SMYD3: variants seen among roughly 807,000 people sequenced by gnomAD.
The protein encoded by SMYD3 is SET and MYND domain containing 3.
Under a neutral mutation model 57.7 loss-of-function variants are expected in SMYD3, and 36 were observed. That is an observed-to-expected ratio of 0.62 (90% CI 0.48 to 0.82). SMYD3 has a LOEUF of 0.82. SMYD3 is among the 40% of genes least tolerant of loss of function. The probability of loss-of-function intolerance (pLI) is 0.00; values close to 1 mark genes in which losing one functional copy is unlikely to be tolerated. For missense variants in SMYD3, 515 were observed against 538.8 expected, an observed-to-expected ratio of 0.96 and a Z score of 0.44; for synonymous variants, 211 against 195.0, an observed-to-expected ratio of 1.08 and a Z score of -0.68.
At chr1:245,915,454 A>G in intron 8 of SMYD3, 76 bp downstream of exon 8, 4 of 926,074 alleles carry the variant, frequency 4.3e-6, no homozygotes, top group Non-Finnish European at 6.9e-6. Context: ...TGGGTTTATG[A>G]AATCTAGGCA....
At chr1:246,167,430 C>T (rs1168345575) in intron 5 of SMYD3, among the ~76,000 whole-genome samples, 1 of 152,010 alleles carries the variant, frequency 6.6e-6, no homozygotes, top group East Asian at 1.9e-4. Flanking sequence ...TTCCATTTTA[C>T]TGATCACGGC....
At chr1:245,811,819 A>G (rs574307614) in intron 10 of SMYD3, among the ~76,000 whole-genome samples, 1 of 152,306 alleles carries the variant, frequency 6.6e-6, no homozygotes, top group Admixed American at 6.5e-5. Context: ...TGAATTCTTG[A>G]AAGGTTATCT....
At chr1:246,341,770 A>G (rs1258780742) in intron 2 of SMYD3, among the ~76,000 whole-genome samples, 1 of 152,192 alleles carries the variant, frequency 6.6e-6, no homozygotes, top group African/African-American at 2.4e-5. Flanking sequence ...CAAAGTCCCT[A>G]TTGCTCACTC....
At chr1:246,118,443 T>C (rs940223314) in intron 5 of SMYD3, among the ~76,000 whole-genome samples, 1 of 152,204 alleles carries the variant, frequency 6.6e-6, no homozygotes, top group African/African-American at 2.4e-5. Flanking sequence ...ATCAGGAAGT[T>C]GCATGTGCAG....
At chr1:245,940,792 G>C (rs377392793) in intron 5 of SMYD3, among the ~76,000 whole-genome samples, 1 of 152,206 alleles carries the variant, frequency 6.6e-6, no homozygotes, top group Non-Finnish European at 1.5e-5. Context: ...TCCAGCAAGG[G>C]CACAGAACTA....
chr1:246,325,639 CAGAA>C (rs1180560749), intron 5 of SMYD3, among the ~76,000 whole-genome samples: 2 of 152,002 alleles, frequency 1.3e-5, no homozygotes. Context: ...CTAAAATCTT[CAGAA>C]AGAAAGAAGA....
intron 5 of SMYD3, among the ~76,000 whole-genome samples, chr1:246,267,816 T>C (rs1453386279): frequency 6.6e-5 from 10 of 152,222 alleles, no homozygotes; most frequent in Admixed American, 6.5e-4. Flanking sequence ...TATCAATTCA[T>C]AAACAAAATC....
chr1:245,930,163 G>GAA (rs11295264), intron 5 of SMYD3: 244 of 452,720 alleles, frequency 5.4e-4, no homozygotes, highest in East Asian at 1.9e-3. Context: ...CCTCCTGGGA[G>GAA]AAAAAAAAAA....
chr1:246,183,892 C>G (rs796195675), intron 5 of SMYD3, among the ~76,000 whole-genome samples: 4 of 152,238 alleles, frequency 2.6e-5, no homozygotes, highest in African/African-American at 9.6e-5. Flanking sequence ...GTGTTTACAC[C>G]TTCATCATAG....
intron 5 of SMYD3, among the ~76,000 whole-genome samples, chr1:246,229,936 A>G (rs2063386463): frequency 6.6e-6 from 1 of 152,218 alleles, no homozygotes; most frequent in African/African-American, 2.4e-5. Context: ...CATTAAACCT[A>G]AAACAGACTT....
At chr1:246,172,002 C>T (rs1319397297) in intron 5 of SMYD3, among the ~76,000 whole-genome samples, 2 of 152,182 alleles carry the variant, frequency 1.3e-5, no homozygotes, top group Non-Finnish European at 2.9e-5. Context: ...CAGACTATGA[C>T]TTTATCTCAT....
chr1:246,187,679 G>C (rs2062663935), intron 5 of SMYD3, among the ~76,000 whole-genome samples: 1 of 152,138 alleles, frequency 6.6e-6, no homozygotes, highest in Non-Finnish European at 1.5e-5. Flanking sequence ...CAGCCCTAAA[G>C]AGACCAGTAA....
At chr1:245,754,338 C>T (rs1160901015) in intron 11 of SMYD3, among the ~76,000 whole-genome samples, 2 of 151,542 alleles carry the variant, frequency 1.3e-5, no homozygotes, top group African/African-American at 4.9e-5. Flanking sequence ...AAGTGACTTC[C>T]CAAGTATGAT....
chr1:246,128,288 T>C (rs555994678), intron 5 of SMYD3, among the ~76,000 whole-genome samples: 3 of 152,352 alleles, frequency 2.0e-5, no homozygotes, highest in Admixed American at 1.3e-4. Flanking sequence ...GTTTCTAGCA[T>C]ACAAAGTAAT....
intron 1 of SMYD3, among the ~76,000 whole-genome samples, chr1:246,402,038 G>A (rs1361193490): frequency 1.3e-5 from 2 of 152,146 alleles, no homozygotes; most frequent in African/African-American, 2.4e-5. Context: ...ACTATTTTAA[G>A]ATTGTTCATC....
At position 246,178,995 on chromosome 1, in the gene SMYD3, T is replaced by C. The variant is rs141024252; in HGVS notation, c.531+148206A>G. ...TGTAGGGAACAGTTTAAGTCAAACTTTTCCTGCTTCCATTGTAGGATGGAG... is the reference window on the plus strand; with the variant it reads ...TGTAGGGAACAGTTTAAGTCAAACTCTTCCTGCTTCCATTGTAGGATGGAG... On this transcript the variant is annotated intron_variant, in intron 5 of 11. Transcript: ENST00000490107. 990 of 152,956 alleles carry C rather than the reference T, an allele frequency of 6.5e-3. 5 individuals carry two copies. The highest frequency in any genetic ancestry group is 0.03 in the East Asian group (153 of 5,176). 9.5% of individuals were successfully genotyped at this position (152,956 alleles called of 1,614,324 possible). A position where few individuals can be genotyped will look rare whatever the true frequency, so the allele number is the denominator to read the frequency against.
intron 10 of SMYD3, among the ~76,000 whole-genome samples, chr1:245,775,119 G>A (rs971461796): frequency 6.6e-5 from 10 of 152,250 alleles, no homozygotes; most frequent in Admixed American, 2.0e-4. Context: ...CTGCCCCGCC[G>A]CCCCGTCTGG....
At chr1:246,077,320 A>G (rs1378480796) in intron 5 of SMYD3, among the ~76,000 whole-genome samples, 1 of 152,194 alleles carries the variant, frequency 6.6e-6, no homozygotes, top group East Asian at 1.9e-4. Flanking sequence ...CATGCAAACA[A>G]GTAATAGTAC....
intron 5 of SMYD3, among the ~76,000 whole-genome samples, chr1:246,192,521 G>A (rs2062755151): frequency 6.6e-6 from 1 of 152,146 alleles, no homozygotes; most frequent in Non-Finnish European, 1.5e-5. Context: ...CTCCCAAAGT[G>A]CTGGAATTAC....
Sources: allele counts gnomAD v4.1 joint callset (sites outside exome capture counted in the v4.1 genomes callset), GRCh38; gene constraint gnomAD v4.1.1; transcripts MANE v1.5; gene names NCBI Gene and HGNC (gene_info 2026-07-23, HGNC 2026-07-21).